Variants in MDGA2 observed in about 807,000 individuals in gnomAD.
MDGA2 encodes the protein MAM domain containing glycosylphosphatidylinositol anchor 2.
MDGA2 carries 40 observed loss-of-function variants against 117.8 expected under a neutral mutation model. That is an observed-to-expected ratio of 0.34 (90% CI 0.26 to 0.44). MDGA2 has a LOEUF of 0.44. MDGA2 is among the 20% of genes least tolerant of loss of function. The pLI, the probability that MDGA2 is intolerant of heterozygous loss-of-function variation, is 1.00. For missense variants in MDGA2, 1,123 were observed against 1,250.6 expected (o/e 0.90, Z 1.54); for synonymous variants, 452 against 439.0 (o/e 1.03, Z -0.37).
intron 1 of MDGA2, among the ~76,000 whole-genome samples, chr14:47,635,289 G>A (rs1017052126): frequency 6.6e-6 from 1 of 151,994 alleles, no homozygotes; most frequent in East Asian, 1.9e-4. Flanking sequence ...ATTTATCTGA[G>A]TATCAGGTTC....
chr14:47,180,428 G>T (rs973024447), intron 3 of MDGA2, among the ~76,000 whole-genome samples: 3 of 152,024 alleles, frequency 2.0e-5, no homozygotes, highest in African/African-American at 4.8e-5. Context: ...TGAGATGAGA[G>T]AAATTTTTTG....
In MDGA2 at chr14:47,043,569, T is replaced by C. The variant is rs1342634487; in HGVS notation, c.1526-8265A>G. 3.3e-5 allele frequency among the ~76,000 whole-genome samples: 5 copies of C among 152,114 alleles called. No individual in the cohort carries two copies. The South Asian group carries it at 6.2e-4, about 19-fold the overall frequency. On this transcript the variant is annotated intron_variant, in intron 7 of 16. Transcript: ENST00000399232. Reference sequence around the variant, plus strand: ...TCTCTTCTTCATCTAAAAAATATTATTTACCATTTCTCAATTACTATTTCT... The same window carrying C: ...TCTCTTCTTCATCTAAAAAATATTACTTACCATTTCTCAATTACTATTTCT...
chr14:46,997,315 T>C (rs951949323), intron 8 of MDGA2: 1 of 152,804 alleles, frequency 6.5e-6, no homozygotes, highest in African/African-American at 2.4e-5. Context: ...TCAGTTGGCA[T>C]CCTTATGAAA....
chr14:47,411,618 T>C (rs896080300), intron 1 of MDGA2, among the ~76,000 whole-genome samples: 3 of 151,896 alleles, frequency 2.0e-5, no homozygotes, highest in Admixed American at 2.0e-4. Flanking sequence ...GACCAGAAGA[T>C]AGGAAAATAA....
intron 2 of MDGA2, among the ~76,000 whole-genome samples, chr14:47,225,572 A>AAAC (rs1886460849): frequency 6.6e-6 from 1 of 151,210 alleles, no homozygotes; most frequent in Non-Finnish European, 1.5e-5. Flanking sequence ...ACAAAAAACC[A>AAAC]AACACCGCAT....
At chr14:47,594,593 A>C (rs1254354864) in intron 1 of MDGA2, among the ~76,000 whole-genome samples, 1 of 152,202 alleles carries the variant, frequency 6.6e-6, no homozygotes, top group African/African-American at 2.4e-5. Flanking sequence ...TAGAGGAGGA[A>C]ATACTGCCCC....
chr14:47,101,489 G>A (rs1054144646), intron 5 of MDGA2, among the ~76,000 whole-genome samples: 2 of 152,112 alleles, frequency 1.3e-5, no homozygotes, highest in Non-Finnish European at 2.9e-5. Flanking sequence ...GATCATAGGA[G>A]ATCAGTTTGT....
At chr14:47,454,388 A>G (rs1403760951) in intron 1 of MDGA2, among the ~76,000 whole-genome samples, 3 of 152,220 alleles carry the variant, frequency 2.0e-5, no homozygotes, top group Non-Finnish European at 4.4e-5. Flanking sequence ...ATTCTGCCTT[A>G]TAGGAAGAGG....
chr14:47,431,940 T>C (rs1892807961), intron 1 of MDGA2, among the ~76,000 whole-genome samples: 1 of 152,106 alleles, frequency 6.6e-6, no homozygotes, highest in South Asian at 2.1e-4. Context: ...AAGACCCTTA[T>C]GAACAACCTG....
intron 1 of MDGA2, among the ~76,000 whole-genome samples, chr14:47,450,746 C>A (rs1893225344): frequency 6.6e-6 from 1 of 151,906 alleles, no homozygotes; most frequent in African/African-American, 2.4e-5. Context: ...TCCTTATTTT[C>A]AAGCTGAAGG....
At chr14:47,315,439 T>C (rs1889775738) in intron 1 of MDGA2, among the ~76,000 whole-genome samples, 2 of 152,318 alleles carry the variant, frequency 1.3e-5, no homozygotes, top group South Asian at 4.1e-4. Flanking sequence ...ATTGTGTTAC[T>C]GTAAGTGACT....
chr14:47,011,488 C>G (rs1041914715), intron 8 of MDGA2, among the ~76,000 whole-genome samples: 3 of 151,860 alleles, frequency 2.0e-5, no homozygotes, highest in Admixed American at 6.6e-5. Context: ...TCTGTTGAAC[C>G]TATAAATTCT....
At chr14:47,518,008 T>C (rs890982257) in intron 1 of MDGA2, among the ~76,000 whole-genome samples, 7 of 152,084 alleles carry the variant, frequency 4.6e-5, no homozygotes, top group African/African-American at 1.7e-4. Flanking sequence ...CTTTATCGTG[T>C]GTGGTCATGG....
At chr14:47,078,473 C>T (rs1268866191) in intron 6 of MDGA2, among the ~76,000 whole-genome samples, 2 of 152,118 alleles carry the variant, frequency 1.3e-5, no homozygotes, top group African/African-American at 4.8e-5. Flanking sequence ...CTCACAAACT[C>T]ATTAGAATGT....
At chr14:47,447,190 C>T (rs1456963866) in intron 1 of MDGA2, among the ~76,000 whole-genome samples, 1 of 152,140 alleles carries the variant, frequency 6.6e-6, no homozygotes, top group Non-Finnish European at 1.5e-5. Flanking sequence ...GAGCTACTGA[C>T]TTCACAGAAG....
intron 1 of MDGA2, among the ~76,000 whole-genome samples, chr14:47,563,578 G>GTGTTTT (rs1895857383): frequency 1.8e-5 from 1 of 56,974 alleles, no homozygotes; most frequent in Non-Finnish European, 3.2e-5. Context: ...GCTTTTTTCT[G>GTGTTTT]TTTTTTTTTT....
chr14:47,453,814 G>A (rs1893289357), intron 1 of MDGA2, among the ~76,000 whole-genome samples: 1 of 152,168 alleles, frequency 6.6e-6, no homozygotes. Flanking sequence ...AGGAGCTAAA[G>A]AGGTGGAAGC....
chr14:47,051,088 A>T (rs1458194841), intron 7 of MDGA2, among the ~76,000 whole-genome samples: 2 of 151,958 alleles, frequency 1.3e-5, no homozygotes, highest in Non-Finnish European at 2.9e-5. Flanking sequence ...TGAGATAATA[A>T]AGGGAAATAT....
intron 15 of MDGA2, among the ~76,000 whole-genome samples, chr14:46,847,569 G>C (rs535397544): frequency 7.9e-5 from 12 of 152,048 alleles, no homozygotes; most frequent in Admixed American, 6.5e-4. Flanking sequence ...AAAAGTCTCA[G>C]AAGACTTTTT....
Sources: allele counts gnomAD v4.1 joint callset (sites outside exome capture counted in the v4.1 genomes callset), GRCh38; gene constraint gnomAD v4.1.1; transcripts MANE v1.5; gene names NCBI Gene and HGNC (gene_info 2026-07-23, HGNC 2026-07-21).